The following SREBF2 variants were observed in gnomAD, a reference collection of about 807,000 sequenced individuals.
The protein encoded by SREBF2 is sterol regulatory element-binding protein 2.
A neutral mutation model predicts 113.1 loss-of-function variants in SREBF2; 55 were observed. The ratio of observed to expected loss-of-function variants is 0.49; its 90% confidence interval spans 0.39 to 0.61. The LOEUF (loss-of-function observed/expected upper bound fraction) is 0.61. SREBF2 is among the 20% of genes least tolerant of loss of function. The pLI, the probability that SREBF2 is intolerant of heterozygous loss-of-function variation, is 0.00. For synonymous variants in SREBF2, 593 were observed against 605.7 expected (o/e 0.98, Z 0.31); for missense variants, 1,349 against 1,487.4 (o/e 0.91, Z 1.53).
At chr22:41,836,428 G>A (rs1311106484) in intron 1 of SREBF2, among the ~76,000 whole-genome samples, 1 of 152,242 alleles carries the variant, frequency 6.6e-6, no homozygotes, top group East Asian at 1.9e-4. Flanking sequence ...GGCTTAGCAG[G>A]AAGACCACAC....
At chr22:41,891,955 G>A (rs1243823803) in intron 11 of SREBF2, among the ~76,000 whole-genome samples, 2 of 152,242 alleles carry the variant, frequency 1.3e-5, no homozygotes, top group African/African-American at 4.8e-5. Context: ...CTGGAATGAT[G>A]TTATCCCGGC....
chr22:41,899,549 G>C, intron 15 of SREBF2: 1 of 992,806 alleles, frequency 1.0e-6, no homozygotes, highest in Non-Finnish European at 1.2e-6. Context: ...AAGGAGCTGA[G>C]AAGAGTGAGT....
At chr22:41,886,466 C>T (rs1425473911) in intron 11 of SREBF2, among the ~76,000 whole-genome samples, 1 of 152,100 alleles carries the variant, frequency 6.6e-6, no homozygotes, top group African/African-American at 2.4e-5. Context: ...CCATGCCCCC[C>T]AAAAATGTTT....
intron 16 of SREBF2, among the ~76,000 whole-genome samples, chr22:41,902,312 C>T (rs1185309525): frequency 3.3e-5 from 5 of 152,354 alleles, no homozygotes; most frequent in Middle Eastern, 3.4e-3. Flanking sequence ...GGCCCACATG[C>T]AGTACCTTCT....
intron 11 of SREBF2, among the ~76,000 whole-genome samples, chr22:41,887,363 G>A (rs1322739507): frequency 2.6e-5 from 4 of 152,128 alleles, no homozygotes; most frequent in Non-Finnish European, 5.9e-5. Flanking sequence ...AACTTCTCTT[G>A]GGCCCTTTGC....
In SREBF2 at chr22:41,893,226, G is replaced by A. The variant is rs141265361; in HGVS notation, c.2318G>A (p.Arg773Gln). 28 of 1,614,056 alleles carry A rather than the reference G, an allele frequency of 1.7e-5. No homozygotes were observed. Among genetic ancestry groups the A allele is most frequent in the African/African-American group, 4.0e-5 (3 of 74,936 alleles). Residue 773 changes from arginine (R) to glutamine (Q), a missense_variant, in exon 12 of 19, where the codon CGG (arginine) becomes CAG (glutamine). Around this residue, in one of 2 missense-constraint regions of SREBF2, gnomAD observed 650 missense variants for 644.1 expected, o/e 1.01. Transcript: ENST00000361204. ...CTGGGCCAGAAGTTTTTCATGGAGC[G>A]GAGCTGGTCTGTGAAGTCAGCTGCC... ...HPLGQKFFME[R>Q]SWSVKSAAKE...
At chr22:41,899,220 A>G in intron 15 of SREBF2, 2 of 1,088,244 alleles carry the variant, frequency 1.8e-6, no homozygotes, top group Non-Finnish European at 2.3e-6. Context: ...CTAGCATTTT[A>G]TCCACTTTCC....
chr22:41,878,745 ACTC>A (rs556635169), intron 9 of SREBF2: 16 of 1,303,910 alleles, frequency 1.2e-5, no homozygotes, highest in Non-Finnish European at 1.2e-5. Context: ...GAACCAGAAC[ACTC>A]CTCAGCAGCA....
At chr22:41,855,020 A>T (rs941962039) in intron 1 of SREBF2, among the ~76,000 whole-genome samples, 3 of 103,236 alleles carry the variant, frequency 2.9e-5, no homozygotes, top group East Asian at 2.3e-4. Flanking sequence ...GTGCAGCATT[A>T]AAAAAAAAAA....
At chr22:41,853,960 G>A (rs1223530341) in intron 1 of SREBF2, among the ~76,000 whole-genome samples, 3 of 151,138 alleles carry the variant, frequency 2.0e-5, no homozygotes, top group Non-Finnish European at 3.0e-5. Context: ...GCGTGAACCC[G>A]GGAGGCGGAG....
At chr22:41,854,986 C>T (rs957873298) in intron 1 of SREBF2, among the ~76,000 whole-genome samples, 62 of 151,198 alleles carry the variant, frequency 4.1e-4, no homozygotes, top group African/African-American at 1.3e-3. Context: ...TCTTAGCCTC[C>T]CGTGTAGCTG....
intron 1 of SREBF2, among the ~76,000 whole-genome samples, chr22:41,863,937 A>T (rs1347892845): frequency 6.6e-6 from 1 of 151,660 alleles, no homozygotes; most frequent in African/African-American, 2.4e-5. Context: ...GCTGGAGTAC[A>T]GTGACGCAGT....
chr22:41,871,017 G>A lies in SREBF2; in HGVS notation c.849G>A (p.Thr283=), dbSNP rs142107361. ...ALTALTTPIQ[T]AALQVPTLVG... is the part of the protein sequence containing the mutation. ...CCGCCCTCACCACCCCTATCCAGAC[G>A]GCTGCCCTTCAAGTACCAGTAAGAG... The change falls in exon 4 of 19, where the codon ACG becomes ACA. Residue 283 remains threonine, a synonymous_variant. Transcript: ENST00000361204. 5.6e-5 allele frequency: 90 copies of A among 1,613,690 alleles called. No homozygotes were observed. Among genetic ancestry groups the A allele is most frequent in the African/African-American group, 1.9e-4 (14 of 74,768 alleles).
At position 41,858,280 on chromosome 22, in the gene SREBF2, A is replaced by T. The variant is rs555836493; in HGVS notation, c.89-8551A>T. Among the ~76,000 whole-genome samples the T allele has an allele frequency of 4.5e-4, 69 of 152,322 alleles. 1 individual carries two copies. Among genetic ancestry groups the T allele is most frequent in the Admixed American group, 1.4e-3 (21 of 15,292 alleles). The stretch of plus-strand genomic sequence containing the variant: ...TCTAATATGAAAGATAAAATGAACG[A>T]AAAGTACAAATGAAGAAAGTTTAGG... On this transcript the variant is annotated intron_variant, in intron 1 of 18. Coordinates refer to ENST00000361204, the MANE Select transcript of SREBF2 (RefSeq NM_004599.4).
rs1365702195 is a variant in SREBF2, at chr22:41,875,745, C to T, written c.1386+21C>T. On this transcript the variant is annotated intron_variant, in intron 7 of 18. Coordinates refer to ENST00000361204, the MANE Select transcript of SREBF2 (RefSeq NM_004599.4). ...CAAAGGTACAGACTTTTGAAATCTC[C>T]TGATCCCTGGAATCTTTCCCATTTC... 2.5e-6 allele frequency: 4 copies of T among 1,613,558 alleles called. 1 individual carries two copies. In the South Asian group the frequency reaches 4.4e-5, roughly 18 times the overall value.
At chr22:41,904,775 G>T in intron 17 of SREBF2, 88 bp from the exon 18 acceptor site, 1 of 1,014,728 alleles carries the variant, frequency 9.9e-7, no homozygotes, top group Non-Finnish European at 1.5e-6. Flanking sequence ...TCATGAGGTG[G>T]CAGGCGAGAT....
At chr22:41,877,100 G>C in intron 7 of SREBF2, 129 bp from the exon 8 acceptor site, 1 of 905,900 alleles carries the variant, frequency 1.1e-6, no homozygotes, top group Non-Finnish European at 1.8e-6. Flanking sequence ...TTCCCATCTG[G>C]CCTTAGTCCT....
At chr22:41,860,414 T>C (rs1009575830) in intron 1 of SREBF2, among the ~76,000 whole-genome samples, 2 of 152,062 alleles carry the variant, frequency 1.3e-5, no homozygotes, top group African/African-American at 4.8e-5. Context: ...TCCATGTTGG[T>C]TTTTTCCACT....
chr22:41,872,643 C>G (rs1037379353), intron 4 of SREBF2, among the ~76,000 whole-genome samples: 3 of 152,144 alleles, frequency 2.0e-5, no homozygotes, highest in African/African-American at 7.2e-5. Context: ...GTATTCCCAG[C>G]ATTTTGGGAG....
Sources: allele counts gnomAD v4.1 joint callset (sites outside exome capture counted in the v4.1 genomes callset), GRCh38; gene constraint gnomAD v4.1.1; regional missense constraint gnomAD v4.1.1; transcripts MANE v1.5; gene names NCBI Gene and HGNC (gene_info 2026-07-23, HGNC 2026-07-21).